Variants in ESCO1 observed in about 807,000 individuals in gnomAD.
ESCO1 encodes the protein establishment of sister chromatid cohesion N-acetyltransferase 1.
Under a neutral mutation model 83.5 loss-of-function variants are expected in ESCO1, and 33 were observed. The ratio of observed to expected loss-of-function variants is 0.40; its 90% CI spans 0.30 to 0.53. The LOEUF (loss-of-function observed/expected upper bound fraction) is 0.53, where lower values mean the gene tolerates loss of function less well. ESCO1 is among the 20% of genes least tolerant of loss of function. ESCO1 has a pLI of 0.63. For synonymous variants in ESCO1, 332 were observed against 324.3 expected (o/e 1.02, Z -0.25); for missense variants, 855 against 968.0 (o/e 0.88, Z 1.55).
rs2037749003 is a variant in ESCO1, at chr18:21,530,222, A to T, written c.*121T>A. On this transcript the variant is annotated 3_prime_UTR_variant, in exon 12 of 12. Transcript: ENST00000269214. ...CCAATTTTATGAAAATGGAACAACCATATGGTTGTTGCCAGTCCTGAGTTC... is the reference window on the plus strand; with the variant it reads ...CCAATTTTATGAAAATGGAACAACCTTATGGTTGTTGCCAGTCCTGAGTTC... 2.7e-6 allele frequency: 2 copies of T among 754,650 alleles called. No homozygotes were observed. The highest frequency in any genetic ancestry group is 3.9e-6 in the Non-Finnish European group (2 of 510,958). The allele number at this position is 754,650 out of a possible 1,614,324, so 46.7% of individuals were successfully genotyped here.
intron 2 of ESCO1, 95 bp from the exon 3 acceptor site, chr18:21,575,872 C>T (rs1337713938): frequency 1.3e-5 from 5 of 390,002 alleles, no homozygotes; most frequent in Admixed American, 4.7e-5. Context: ...TCCATAATTT[C>T]ATCCTGTCCT....
intron 8 of ESCO1, among the ~76,000 whole-genome samples, chr18:21,542,271 A>C (rs2037916622): frequency 6.6e-6 from 1 of 152,132 alleles, no homozygotes; most frequent in Admixed American, 6.6e-5. Flanking sequence ...CAGCAGCTTC[A>C]AACTCCTGGG....
intron 1 of ESCO1, among the ~76,000 whole-genome samples, chr18:21,586,933 A>C (rs556254285): frequency 1.9e-4 from 29 of 152,124 alleles, no homozygotes; most frequent in Middle Eastern, 3.4e-3. Context: ...TAGTTTGTTG[A>C]GCAGTTTTAT....
intron 1 of ESCO1, among the ~76,000 whole-genome samples, chr18:21,588,585 G>A (rs530219646): frequency 6.6e-6 from 1 of 152,218 alleles, no homozygotes; most frequent in African/African-American, 2.4e-5. Context: ...TATACAATAT[G>A]TATAAGATAT....
At chr18:21,578,879 A>T (rs1226376241) in intron 2 of ESCO1, among the ~76,000 whole-genome samples, 1 of 150,776 alleles carries the variant, frequency 6.6e-6, no homozygotes, top group Non-Finnish European at 1.5e-5. Context: ...TTCTTCCCCC[A>T]AGATGTAGTC....
chr18:21,565,411 T>C (rs1037309944), intron 6 of ESCO1, among the ~76,000 whole-genome samples: 1 of 152,228 alleles, frequency 6.6e-6, no homozygotes, highest in Admixed American at 6.5e-5. Flanking sequence ...GAAAAGGGCA[T>C]TCTCAAACAC....
intron 4 of ESCO1, among the ~76,000 whole-genome samples, chr18:21,570,297 C>G (rs1376750875): frequency 6.6e-6 from 1 of 151,928 alleles, no homozygotes; most frequent in Non-Finnish European, 1.5e-5. Context: ...GGGAGTCTCA[C>G]TATGTTGCTC....
chr18:21,574,271 A>T lies in ESCO1; in HGVS notation c.573T>A (p.Asn191Lys). 6.2e-7 allele frequency: 1 copy of T among 1,613,500 alleles called. No individual in the cohort carries two copies. The change falls in exon 4 of 12, where the codon AAT becomes AAA. Residue 191 changes from asparagine (N) to lysine (K), a missense_variant. Asn to Lys is a moderately conservative substitution (Grantham distance 94). Around this residue, in one of 2 missense-constraint regions of ESCO1, gnomAD observed 726 missense variants for 699.5 expected, o/e 1.04. Coordinates refer to ENST00000269214, the MANE Select transcript of ESCO1 (RefSeq NM_052911.3). ...AATTTATTACTTCATTAATTACTAG[A>T]TTTTCATCTTCTTTAGAGTCAGACT... Reference protein sequence around the residue: ...EVKSDSKEDENLVINEVINSP... With the variant: ...EVKSDSKEDEKLVINEVINSP...
At chr18:21,581,978 T>C (rs2146220563) in intron 2 of ESCO1, among the ~76,000 whole-genome samples, 1 of 151,742 alleles carries the variant, frequency 6.6e-6, no homozygotes, top group South Asian at 2.1e-4. Flanking sequence ...GTCCCAGCTA[T>C]TCAGGAAGCT....
At chr18:21,568,802 C>T (rs1422746676) in intron 4 of ESCO1, among the ~76,000 whole-genome samples, 1 of 151,318 alleles carries the variant, frequency 6.6e-6, no homozygotes, top group African/African-American at 2.4e-5. Context: ...ACTCGGGAGG[C>T]TGAGGCAGGA....
At chr18:21,542,601 C>G (rs2037920921) in intron 8 of ESCO1, among the ~76,000 whole-genome samples, 1 of 152,300 alleles carries the variant, frequency 6.6e-6, no homozygotes, top group East Asian at 1.9e-4. Context: ...AACTTCCATT[C>G]TCCCTTCTTA....
intron 9 of ESCO1, among the ~76,000 whole-genome samples, chr18:21,539,027 T>A (rs1363863904): frequency 1.3e-5 from 2 of 152,020 alleles, no homozygotes; most frequent in African/African-American, 4.8e-5. Context: ...TCTGAACACT[T>A]GAAGTATGGA....
chr18:21,581,086 C>G (rs2038496245), intron 2 of ESCO1, among the ~76,000 whole-genome samples: 1 of 152,068 alleles, frequency 6.6e-6, no homozygotes, highest in Non-Finnish European at 1.5e-5. Context: ...CCGAGGCGGG[C>G]TCATCACGAG....
intron 1 of ESCO1, among the ~76,000 whole-genome samples, chr18:21,587,341 T>C (rs1251721485): frequency 6.6e-6 from 1 of 152,190 alleles, no homozygotes; most frequent in East Asian, 1.9e-4. Context: ...TGGTGTTAAT[T>C]CTTCTTTAAA....
chr18:21,580,146 G>A (rs929868310), intron 2 of ESCO1, among the ~76,000 whole-genome samples: 2 of 151,898 alleles, frequency 1.3e-5, no homozygotes, highest in Non-Finnish European at 2.9e-5. Context: ...TAATCCAACC[G>A]CCTCGGCTTC....
chr18:21,584,681 G>A (rs2038549234), intron 1 of ESCO1, among the ~76,000 whole-genome samples: 1 of 151,930 alleles, frequency 6.6e-6, no homozygotes, highest in African/African-American at 2.4e-5. Context: ...TTAGCCTGGG[G>A]TGCTGGCACG....
Position 21,559,446 on chromosome 18 carries a change from T to C in ESCO1, c.1953+1413A>G, listed in dbSNP as rs185660427. Among the ~76,000 whole-genome samples, 7 of 152,330 alleles carry C rather than the reference T, an allele frequency of 4.6e-5. No individual in the cohort carries two copies. In the East Asian group the frequency reaches 1.3e-3, roughly 29 times the overall value. ...ACATCTTGGAAGAGTAGAGCAGATA[T>C]TTCCTGATTGATTTATTTACTTTTC... On this transcript the variant is annotated intron_variant, in intron 8 of 11. Coordinates refer to ENST00000269214, the MANE Select transcript of ESCO1 (RefSeq NM_052911.3).
intron 8 of ESCO1, among the ~76,000 whole-genome samples, chr18:21,545,267 A>G (rs1436260348): frequency 6.6e-6 from 1 of 152,148 alleles, no homozygotes; most frequent in African/African-American, 2.4e-5. Flanking sequence ...TAAGTCAGTA[A>G]AAATTTTACT....
At chr18:21,559,187 A>G (rs111809692) in intron 8 of ESCO1, among the ~76,000 whole-genome samples, 1 of 152,238 alleles carries the variant, frequency 6.6e-6, no homozygotes. Context: ...GTCGACCTTG[A>G]TAACAGCAAA....
Sources: gnomAD v4.1 joint callset for allele counts (sites outside exome capture counted in the v4.1 genomes callset) on GRCh38, gnomAD v4.1.1 for gene constraint, gnomAD v4.1.1 regional missense constraint, MANE v1.5 for transcripts, NCBI Gene and HGNC (gene_info 2026-07-23, HGNC 2026-07-21) for gene names.